The following RPH3A variants were observed in gnomAD, a reference collection of about 807,000 sequenced individuals.
The protein encoded by RPH3A is rabphilin 3A, also known as rabphilin-3A.
Under a neutral mutation model 102.2 loss-of-function variants are expected in RPH3A, and 48 were observed. The ratio of observed to expected loss-of-function variants is 0.47; its 90% CI spans 0.37 to 0.60. RPH3A has a LOEUF of 0.60. RPH3A is among the 20% of genes least tolerant of loss of function. The pLI, the probability that RPH3A is intolerant of heterozygous loss-of-function variation, is 0.00. For synonymous variants in RPH3A, 310 were observed against 324.3 expected (o/e 0.96, Z 0.47); for missense variants, 781 against 910.1 (o/e 0.86, Z 1.83).
intron 7 of RPH3A, 49 bp downstream of exon 7, chr12:112,866,889 C>A: frequency 6.8e-7 from 1 of 1,470,886 alleles, no homozygotes; most frequent in Non-Finnish European, 9.4e-7. Flanking sequence ...CCTTTCTTGG[C>A]CAGCTTAAGA....
chr12:112,846,514 G>A (rs886115173), intron 4 of RPH3A, among the ~76,000 whole-genome samples: 2 of 152,226 alleles, frequency 1.3e-5, no homozygotes, highest in African/African-American at 4.8e-5. Context: ...TGGGGGGATG[G>A]CAGAAGATGG....
intron 1 of RPH3A, among the ~76,000 whole-genome samples, chr12:112,773,435 AATTT>A (rs1478393954): frequency 6.6e-6 from 1 of 152,028 alleles, no homozygotes; most frequent in Non-Finnish European, 1.5e-5. Context: ...ATACAAATTG[AATTT>A]ATTTGTTTTT....
At chr12:112,748,611 A>AGGTATGAG (rs1379161129) in intron 1 of RPH3A, among the ~76,000 whole-genome samples, 1 of 152,320 alleles carries the variant, frequency 6.6e-6, no homozygotes, top group South Asian at 2.1e-4. Flanking sequence ...TTGGGATGAC[A>AGGTATGAG]GGTATGAGCC....
chr12:112,786,337 G>A (rs2041051001), intron 1 of RPH3A, among the ~76,000 whole-genome samples: 1 of 152,194 alleles, frequency 6.6e-6, no homozygotes, highest in African/African-American at 2.4e-5. Flanking sequence ...AGTGCACATA[G>A]GCCGATCTCA....
At chr12:112,687,088 A>C (rs1481882009) in intron 1 of RPH3A, among the ~76,000 whole-genome samples, 3 of 152,354 alleles carry the variant, frequency 2.0e-5, no homozygotes, top group East Asian at 3.9e-4. Flanking sequence ...GCACCACTCC[A>C]GCCTGAGTGA....
At chr12:112,824,237 C>T (rs1029811821) in intron 2 of RPH3A, among the ~76,000 whole-genome samples, 1 of 152,180 alleles carries the variant, frequency 6.6e-6, no homozygotes, top group African/African-American at 2.4e-5. Flanking sequence ...AGCCGTCTTG[C>T]CCTAGAAGAA....
chr12:112,716,325 C>T (rs1329844498), intron 1 of RPH3A, among the ~76,000 whole-genome samples: 1 of 152,102 alleles, frequency 6.6e-6, no homozygotes, highest in African/African-American at 2.4e-5. Flanking sequence ...ATGCCTCTGA[C>T]GATGGGGTAC....
chr12:112,789,513 C>A (rs138597621), upstream of RPH3A, among the ~76,000 whole-genome samples: 7 of 152,254 alleles, frequency 4.6e-5, no homozygotes, highest in African/African-American at 1.4e-4. Flanking sequence ...TACTGTGAAG[C>A]CTTGAGCAAG....
At chr12:112,591,832 A>G (rs371172879) in intron 1 of RPH3A, among the ~76,000 whole-genome samples, 1 of 152,164 alleles carries the variant, frequency 6.6e-6, no homozygotes, top group South Asian at 2.1e-4. Context: ...TGTCTGCTAC[A>G]TTCTGAAGTC....
intron 1 of RPH3A, among the ~76,000 whole-genome samples, chr12:112,720,194 G>A (rs1027347009): frequency 6.6e-5 from 10 of 152,260 alleles, no homozygotes; most frequent in African/African-American, 2.4e-4. Context: ...ACATGCACGT[G>A]TGCTCATGCA....
At chr12:112,728,123 G>C (rs1182781449) in intron 1 of RPH3A, among the ~76,000 whole-genome samples, 1 of 152,132 alleles carries the variant, frequency 6.6e-6, no homozygotes, top group Non-Finnish European at 1.5e-5. Context: ...TTCAAGGGTG[G>C]GTGCTGTGTG....
intron 2 of RPH3A, among the ~76,000 whole-genome samples, chr12:112,805,076 T>G (rs2041432416): frequency 6.6e-6 from 1 of 152,216 alleles, no homozygotes; most frequent in Non-Finnish European, 1.5e-5. Context: ...ATATCTCTTT[T>G]CTGCTTATTT....
At chr12:112,862,262 G>A (rs982131987) in intron 5 of RPH3A, among the ~76,000 whole-genome samples, 4 of 149,756 alleles carry the variant, frequency 2.7e-5, no homozygotes, top group Non-Finnish European at 4.5e-5. Flanking sequence ...AAAGTTAGCC[G>A]GGCATGGTTG....
intron 1 of RPH3A, among the ~76,000 whole-genome samples, chr12:112,612,012 T>G (rs2039642741): frequency 6.6e-6 from 1 of 152,176 alleles, no homozygotes; most frequent in South Asian, 2.1e-4. Context: ...CCTCTGATCT[T>G]GTGTGGCATT....
At chr12:112,678,303 A>AAGAAAGAAAGAAAGAAAGAAAGAAAGAG (rs1555283199) in intron 1 of RPH3A, among the ~76,000 whole-genome samples, 1 of 50,138 alleles carries the variant, frequency 2.0e-5, no homozygotes, top group Admixed American at 2.0e-4. Context: ...GAAAGAAAGA[A>AAGAAAGAAAGAAAGAAAGAAAGAAAGAG]AGAGAGAGAG....
Position 112,836,707 on chromosome 12 carries a change from C to T in RPH3A, c.83+205C>T, listed in dbSNP as rs1231417642. Among the ~76,000 whole-genome samples the T allele has an allele frequency of 2.0e-5, 3 of 152,080 alleles. No homozygotes were observed. In the East Asian group the frequency reaches 5.8e-4, roughly 29 times the overall value. ...TATAAAATTAAAAAAAAAACTCATA[C>T]CAAACTTGATAAAAGGATGGAAGAT... On this transcript the variant is annotated intron_variant, in intron 4 of 21. Coordinates refer to ENST00000389385, the MANE Select transcript of RPH3A (RefSeq NM_001143854.2).
Position 112,879,168 on chromosome 12 carries a change from C to T in RPH3A, c.1221C>T (p.Ser407=). The stretch of plus-strand genomic sequence containing the variant: ...GCCTTCTCTACGACCAGGACAACAG[C>T]TCCCTGCAGTGCACCATCATTAAGG... ...EFSLLYDQDN[S]SLQCTIIKAK... Residue 407 remains serine (S), a synonymous_variant, in exon 14 of 22, where the codon AGC becomes AGT. Transcript: ENST00000389385. 1 of 1,614,140 alleles carries T rather than the reference C, an allele frequency of 6.2e-7. No individual in the cohort carries two copies. Among genetic ancestry groups the T allele is most frequent in the Non-Finnish European group, 8.5e-7 (1 of 1,179,982 alleles).
chr12:112,816,859 A>G (rs2041680834), intron 2 of RPH3A, among the ~76,000 whole-genome samples: 1 of 152,182 alleles, frequency 6.6e-6, no homozygotes, highest in African/African-American at 2.4e-5. Context: ...ATTATTATTC[A>G]TAATAAATTA....
chr12:112,891,085 A>G, intron 19 of RPH3A, 82 bp downstream of exon 19: 1 of 1,517,856 alleles, frequency 6.6e-7, no homozygotes, highest in Non-Finnish European at 9.0e-7. Flanking sequence ...AGTTTCACCA[A>G]GATCGTTGTA....
Sources: allele counts gnomAD v4.1 joint callset (sites outside exome capture counted in the v4.1 genomes callset), GRCh38; gene constraint gnomAD v4.1.1; transcripts MANE v1.5; gene names NCBI Gene and HGNC (gene_info 2026-07-23, HGNC 2026-07-21).